Variants in DPH6 observed in about 807,000 individuals in gnomAD.
DPH6 encodes diphthine--ammonia ligase.
A neutral mutation model predicts 38.2 loss-of-function variants in DPH6; 33 were observed. The observed-to-expected ratio is 0.86, with a 90% CI of 0.65 to 1.15. The LOEUF (loss-of-function observed/expected upper bound fraction) is 1.15. Among genes scored for constraint, DPH6 ranks in the 50% most tolerant of loss-of-function variants. The probability of loss-of-function intolerance (pLI) is 0.00; values close to 1 mark genes in which losing one functional copy is unlikely to be tolerated. For missense variants in DPH6, 325 were observed against 320.0 expected (o/e 1.02, Z -0.12); for synonymous variants, 108 against 103.0 (o/e 1.05, Z -0.30).
chr15:35,326,718 G>A (rs954531389), downstream of DPH6, among the ~76,000 whole-genome samples: 1 of 152,180 alleles, frequency 6.6e-6, no homozygotes, highest in Non-Finnish European at 1.5e-5. Flanking sequence ...TTACAGGCAT[G>A]AGCCACCATG....
intron 3 of DPH6, among the ~76,000 whole-genome samples, chr15:35,533,120 AG>A (rs2141541479): frequency 6.6e-6 from 1 of 151,234 alleles, no homozygotes; most frequent in African/African-American, 2.4e-5. Flanking sequence ...AAAAAAAAAA[AG>A]AATCATCTAG....
intron 3 of DPH6, among the ~76,000 whole-genome samples, chr15:35,276,034 A>G (rs1382587968): frequency 6.6e-6 from 1 of 152,236 alleles, no homozygotes; most frequent in Non-Finnish European, 1.5e-5. Context: ...ACTGTTTTCC[A>G]TAGTGGTTTT....
At chr15:35,160,338 C>G in the DPH6 span, among the ~76,000 whole-genome samples, 4 of 152,008 alleles carry the variant, frequency 2.6e-5, no homozygotes, top group Non-Finnish European at 4.4e-5. Context: ...TTCTAGCCCA[C>G]TCCATTCAGG....
intron 5 of DPH6, among the ~76,000 whole-genome samples, chr15:35,434,939 A>ATT (rs147169875): frequency 1.3e-4 from 18 of 139,708 alleles, no homozygotes; most frequent in Non-Finnish European, 1.9e-4. Context: ...ATGCCCAGCT[A>ATT]TTTTTTTTTT....
intron 3 of DPH6, among the ~76,000 whole-genome samples, chr15:35,476,892 G>T (rs1040983524): frequency 6.6e-6 from 1 of 151,688 alleles, no homozygotes; most frequent in Admixed American, 6.6e-5. Context: ...TAAAACACTG[G>T]CTTTTCTTTT....
At chr15:35,537,387 A>C (rs1258661167) in intron 3 of DPH6, among the ~76,000 whole-genome samples, 1 of 152,164 alleles carries the variant, frequency 6.6e-6, no homozygotes, top group Admixed American at 6.6e-5. Flanking sequence ...TACTTCATCA[A>C]ATCTGCCTTA....
intron 3 of DPH6, among the ~76,000 whole-genome samples, chr15:35,315,971 T>C (rs2052185103): frequency 6.6e-6 from 1 of 152,104 alleles, no homozygotes; most frequent in Admixed American, 6.6e-5. Flanking sequence ...TCATACTCAA[T>C]GTAGGAACTA....
intron 3 of DPH6, among the ~76,000 whole-genome samples, chr15:35,234,153 G>A (rs1382175290): frequency 6.6e-6 from 1 of 152,234 alleles, no homozygotes; most frequent in Non-Finnish European, 1.5e-5. Context: ...CTAGGAAGTA[G>A]TCATACATCT....
At chr15:35,148,846 G>T in the DPH6 span, among the ~76,000 whole-genome samples, 2 of 151,970 alleles carry the variant, frequency 1.3e-5, no homozygotes, top group Admixed American at 1.3e-4. Context: ...CATTAAAAAA[G>T]GGCACAGAAA....
chr15:35,353,975 C>T (rs146119894), intron 3 of DPH6, among the ~76,000 whole-genome samples: 1 of 152,112 alleles, frequency 6.6e-6, no homozygotes, highest in Non-Finnish European at 1.5e-5. Context: ...GTTTGTAGTT[C>T]TCCTTGAAGA....
At chr15:35,490,114 T>A (rs1212460023) in intron 3 of DPH6, 1 of 985,414 alleles carries the variant, frequency 1.0e-6, no homozygotes, top group Non-Finnish European at 1.2e-6. Context: ...CAGCTCTTTT[T>A]CAACTGCACT....
At chr15:35,532,575 A>C (rs1444344951) in intron 3 of DPH6, among the ~76,000 whole-genome samples, 1 of 152,236 alleles carries the variant, frequency 6.6e-6, no homozygotes, top group African/African-American at 2.4e-5. Flanking sequence ...TGATGCTTTT[A>C]ATTAAGGAAA....
At chr15:35,157,027 T>G in the DPH6 span, among the ~76,000 whole-genome samples, 1 of 152,190 alleles carries the variant, frequency 6.6e-6, no homozygotes, top group Non-Finnish European at 1.5e-5. Flanking sequence ...AATTGAACCT[T>G]GATTAACAAG....
At chr15:35,296,804 C>CTTTTTTTTTTGTTT (rs2052018419) in intron 3 of DPH6, among the ~76,000 whole-genome samples, 1 of 127,332 alleles carries the variant, frequency 7.9e-6, no homozygotes, top group Non-Finnish European at 1.6e-5. Context: ...GGCCTGGCTT[C>CTTTTTTTTTTGTTT]TTTTTTTTTT....
intron 5 of DPH6, among the ~76,000 whole-genome samples, chr15:35,426,341 G>A (rs1183473111): frequency 6.6e-6 from 1 of 151,720 alleles, no homozygotes; most frequent in South Asian, 2.1e-4. Context: ...AAGTTCAGGT[G>A]TAAAAATGTT....
At chr15:35,298,882 T>A (rs1365266643) in intron 3 of DPH6, 6 of 969,112 alleles carry the variant, frequency 6.2e-6, no homozygotes, top group African/African-American at 3.2e-5. Context: ...ATAAGGAAAA[T>A]CTCGGGGTAA....
chr15:35,379,188 T>C (rs771549810), intron 7 of DPH6, among the ~76,000 whole-genome samples: 2 of 152,208 alleles, frequency 1.3e-5, no homozygotes, highest in Non-Finnish European at 2.9e-5. Flanking sequence ...AGGATCCTCA[T>C]GATTACATTG....
chr15:35,376,356 T>A (rs909985678), intron 7 of DPH6, among the ~76,000 whole-genome samples: 2 of 152,158 alleles, frequency 1.3e-5, no homozygotes, highest in African/African-American at 4.8e-5. Flanking sequence ...CAATTACCTA[T>A]CTTCATGTGA....
At chr15:35,254,145 C>T (rs2051692462) in intron 3 of DPH6, among the ~76,000 whole-genome samples, 1 of 152,154 alleles carries the variant, frequency 6.6e-6, no homozygotes, top group Non-Finnish European at 1.5e-5. Context: ...ATAGCTGTAA[C>T]TGTGAAGCTG....
Sources: allele counts gnomAD v4.1 joint callset (sites outside exome capture counted in the v4.1 genomes callset), GRCh38; gene constraint gnomAD v4.1.1; transcripts MANE v1.5; gene names NCBI Gene and HGNC (gene_info 2026-07-23, HGNC 2026-07-21).